TBC1D5: variants seen among roughly 807,000 people sequenced by gnomAD.
TBC1D5 encodes TBC1 domain family, member 5.
TBC1D5 carries 75 observed loss-of-function variants against 100.3 expected under a neutral mutation model. The observed-to-expected ratio is 0.75, with a 90% CI of 0.62 to 0.91. TBC1D5 has a LOEUF of 0.91. TBC1D5 is among the 40% of genes least tolerant of loss of function. TBC1D5 has a pLI of 0.00. For synonymous variants in TBC1D5, 323 were observed against 325.6 expected, an observed-to-expected ratio of 0.99 and a Z score of 0.09; for missense variants, 910 against 942.4, an observed-to-expected ratio of 0.97 and a Z score of 0.45.
chr3:17,293,751 G>A (rs1279317861), intron 14 of TBC1D5, among the ~76,000 whole-genome samples: 1 of 152,202 alleles, frequency 6.6e-6, no homozygotes, highest in African/African-American at 2.4e-5. Context: ...GAAAATTACA[G>A]CCCAGAAGGG....
intron 16 of TBC1D5, among the ~76,000 whole-genome samples, chr3:17,243,213 A>C (rs2076451740): frequency 6.6e-6 from 1 of 152,148 alleles, no homozygotes; most frequent in South Asian, 2.1e-4. Flanking sequence ...AAGTTTCCTT[A>C]TCCTAAAATA....
chr3:17,157,458 C>T (rs1442393663), exon 22 of TBC1D5: 3 of 152,250 alleles, frequency 2.0e-5, no homozygotes, highest in Non-Finnish European at 4.4e-5. Flanking sequence ...AGAAAGCAGT[C>T]TGGCCTTTGA....
chr3:17,628,709 C>T lies in TBC1D5; in HGVS notation c.-100-4796G>A, dbSNP rs191846720. On this transcript the variant is annotated intron_variant, in intron 1 of 21. Transcript: ENST00000253692. ...TATGCAAAGAAGAGAGATGCTCATT[C>T]ATCAGCACTAGGAATTGTTAGGATA... is the stretch of plus-strand genomic sequence containing the variant. Among the ~76,000 whole-genome samples, 11 of 152,250 alleles carry T rather than the reference C, an allele frequency of 7.2e-5. No homozygotes were observed. In the East Asian group the frequency reaches 2.1e-3, roughly 29 times the overall value.
intron 1 of TBC1D5, among the ~76,000 whole-genome samples, chr3:17,684,798 G>A (rs1384231295): frequency 6.6e-6 from 1 of 151,774 alleles, no homozygotes; most frequent in African/African-American, 2.4e-5. Flanking sequence ...TATATAAACA[G>A]CCTGATGTTT....
intron 15 of TBC1D5, among the ~76,000 whole-genome samples, chr3:17,278,999 C>A (rs1575102024): frequency 6.6e-6 from 1 of 152,258 alleles, no homozygotes; most frequent in East Asian, 1.9e-4. Flanking sequence ...TAAAACATTT[C>A]CAAATTATCC....
chr3:17,468,223 G>A (rs1383113367), intron 3 of TBC1D5, among the ~76,000 whole-genome samples: 5 of 152,110 alleles, frequency 3.3e-5, no homozygotes, highest in African/African-American at 1.2e-4. Flanking sequence ...AGGATAAAAT[G>A]ATTACATTAA....
intron 1 of TBC1D5, among the ~76,000 whole-genome samples, chr3:17,676,106 C>T (rs770077459): frequency 2.0e-4 from 31 of 151,974 alleles, no homozygotes; most frequent in Non-Finnish European, 4.3e-4. Flanking sequence ...CCCAGGATGA[C>T]AACAGTATTA....
intron 5 of TBC1D5, among the ~76,000 whole-genome samples, chr3:17,405,645 T>C (rs569885465): frequency 6.6e-6 from 1 of 152,184 alleles, no homozygotes; most frequent in East Asian, 1.9e-4. Flanking sequence ...GCAGGTCTCC[T>C]GCCTTTAATG....
intron 9 of TBC1D5, among the ~76,000 whole-genome samples, chr3:17,383,222 C>T (rs1201708443): frequency 6.6e-6 from 1 of 151,760 alleles, no homozygotes; most frequent in East Asian, 1.9e-4. Flanking sequence ...TACATTATAA[C>T]TTTTGATTAT....
rs58307801 is a variant in TBC1D5 at position 17,284,089 on chromosome 3, T to TACACACACACACACACACACACACACAC, written c.1245+7778_1245+7805dup. Among the ~76,000 whole-genome samples the TACACACACACACACACACACACACACAC allele has an allele frequency of 7.6e-4, 101 of 132,816 alleles. 2 individuals are homozygous for TACACACACACACACACACACACACACAC. Among genetic ancestry groups the TACACACACACACACACACACACACACAC allele is most frequent in the Non-Finnish European group, 1.4e-3 (87 of 63,096 alleles). The allele number at this position is 132,816 out of a possible 152,430, so 87.1% of individuals were successfully genotyped here. A position where few individuals can be genotyped will look rare whatever the true frequency, so the allele number is the denominator to read the frequency against. ...CAGATTCTACCCTCACTCATTATTTTACACACACACACACACACACACACA... is the reference window on the plus strand; with the variant it reads ...CAGATTCTACCCTCACTCATTATTTTACACACACACACACACACACACACACACACACACACACACACACACACACACA... On this transcript the variant is annotated intron_variant, in intron 15 of 21. Transcript: ENST00000253692.
chr3:17,638,847 T>TA, intron 1 of TBC1D5, among the ~76,000 whole-genome samples: 1 of 151,998 alleles, frequency 6.6e-6, no homozygotes, highest in East Asian at 1.9e-4. Flanking sequence ...GAATATATAA[T>TA]AAAAAATACA....
At chr3:17,641,038 C>G (rs1374216395) in intron 1 of TBC1D5, among the ~76,000 whole-genome samples, 3 of 151,656 alleles carry the variant, frequency 2.0e-5, no homozygotes, top group South Asian at 2.1e-4. Flanking sequence ...TACTACTTGA[C>G]AGTTATTAAA....
chr3:17,204,015 T>C (rs1193587556), intron 18 of TBC1D5, among the ~76,000 whole-genome samples: 1 of 152,198 alleles, frequency 6.6e-6, no homozygotes, highest in Admixed American at 6.5e-5. Flanking sequence ...CCCCCCTTTA[T>C]CAACAGGCCT....
chr3:17,734,293 C>T (rs920696327), intron 1 of TBC1D5, among the ~76,000 whole-genome samples: 1 of 151,720 alleles, frequency 6.6e-6, no homozygotes, highest in Admixed American at 6.6e-5. Context: ...GAGAGAAATC[C>T]CATTTATAAA....
At chr3:17,715,003 AG>A (rs1228253663) in intron 1 of TBC1D5, among the ~76,000 whole-genome samples, 1 of 152,248 alleles carries the variant, frequency 6.6e-6, no homozygotes, top group Admixed American at 6.5e-5. Flanking sequence ...AAAGGAAGGA[AG>A]GAAGATAGCA....
chr3:17,738,346 T>C (rs902162585), intron 1 of TBC1D5, among the ~76,000 whole-genome samples: 19 of 152,084 alleles, frequency 1.2e-4, no homozygotes, highest in Admixed American at 9.8e-4. Context: ...ATCACTTACG[T>C]GATAGCATTA....
chr3:17,714,807 A>G (rs79728229), intron 1 of TBC1D5, among the ~76,000 whole-genome samples: 3,446 of 152,266 alleles, frequency 0.023, 112 homozygotes, highest in African/African-American at 0.078. Flanking sequence ...CTTAAAAAAT[A>G]AAAACAAAAT....
chr3:17,526,076 A>G lies in TBC1D5; in HGVS notation c.-35-17471T>C, dbSNP rs539887863. On this transcript the variant is annotated intron_variant, in intron 2 of 21. Transcript: ENST00000253692. ...AATGGGGAAAAGTAAACAAAACAGG[A>G]GGTTTCTTTCTTCCAAGAGAATAAA... is the stretch of plus-strand genomic sequence containing the variant. Among the ~76,000 whole-genome samples the G allele has an allele frequency of 4.6e-5, 7 of 152,278 alleles. No homozygotes were observed. The South Asian group carries it at 1.5e-3, about 32-fold the overall frequency.
At chr3:17,474,216 ACAAAATAGACAGTTACAC>A (rs2095412385) in intron 3 of TBC1D5, among the ~76,000 whole-genome samples, 2 of 152,178 alleles carry the variant, frequency 1.3e-5, no homozygotes, top group Non-Finnish European at 2.9e-5. Context: ...AATTAGAAAC[ACAAAATAGACAGTTACAC>A]TGGCAAATAT....
Sources: allele counts gnomAD v4.1 joint callset (sites outside exome capture counted in the v4.1 genomes callset), GRCh38; gene constraint gnomAD v4.1.1; transcripts MANE v1.5; gene names NCBI Gene and HGNC (gene_info 2026-07-23, HGNC 2026-07-21).